STAU1: variants seen among roughly 807,000 people sequenced by gnomAD.
STAU1 encodes staufen double-stranded RNA binding protein 1, also known as double-stranded RNA-binding protein Staufen homolog 1.
In STAU1, 13 loss-of-function variants were observed where a neutral mutation model predicts 62.9. That is an observed-to-expected ratio of 0.21 (90% CI 0.13 to 0.33). STAU1 has a LOEUF of 0.33. Among genes scored for constraint, STAU1 ranks in the 10% least tolerant of loss-of-function variants. STAU1 has a pLI of 1.00. For missense variants in STAU1, 571 were observed against 712.1 expected, an observed-to-expected ratio of 0.80 and a Z score of 2.25; for synonymous variants, 269 against 265.1, an observed-to-expected ratio of 1.01 and a Z score of -0.14.
chr20:49,135,147 T>C, intron 6 of STAU1: 2 of 762,328 alleles, frequency 2.6e-6, no homozygotes, highest in Non-Finnish European at 4.6e-6. Context: ...TGAAAAACTC[T>C]TGATCAAGAA....
At chr20:49,174,798 G>A (rs142545613) in intron 1 of STAU1, among the ~76,000 whole-genome samples, 7 of 152,188 alleles carry the variant, frequency 4.6e-5, no homozygotes, top group East Asian at 1.9e-4. Context: ...TTAGCCAGGC[G>A]TGATGGCGGG....
chr20:49,196,660 C>G, the STAU1 span, among the ~76,000 whole-genome samples: 1 of 150,798 alleles, frequency 6.6e-6, no homozygotes, highest in East Asian at 2.0e-4. Context: ...CAGCTCCTCT[C>G]GAGGGGAGAA....
At chr20:49,135,806 A>G in intron 6 of STAU1, 27 bp downstream of exon 6, 1 of 1,562,338 alleles carries the variant, frequency 6.4e-7, no homozygotes, top group Non-Finnish European at 8.8e-7. Flanking sequence ...TTTAGAATAC[A>G]AAGTCCTACA....
chr20:49,149,782 G>GT (rs1252395908), intron 5 of STAU1, among the ~76,000 whole-genome samples: 6 of 152,244 alleles, frequency 3.9e-5, no homozygotes, highest in African/African-American at 9.6e-5. Flanking sequence ...GAAATGCAGC[G>GT]TAACAAAAGA....
At chr20:49,157,508 T>C (rs1408667357) in intron 3 of STAU1, among the ~76,000 whole-genome samples, 4 of 151,750 alleles carry the variant, frequency 2.6e-5, no homozygotes, top group African/African-American at 7.2e-5. Flanking sequence ...TTTGAGACAG[T>C]CTTGCTCTGT....
At chr20:49,130,637 G>A (rs2092729840) in intron 6 of STAU1, among the ~76,000 whole-genome samples, 1 of 152,180 alleles carries the variant, frequency 6.6e-6, no homozygotes, top group Admixed American at 6.5e-5. Flanking sequence ...TACTATAAGA[G>A]GGGAGGAAGG....
At position 49,123,108 on chromosome 20, in the gene STAU1, CT is replaced by C; in HGVS notation, c.949del (p.Arg317GlyfsTer4). On this transcript the variant is annotated frameshift_variant, in exon 8 of 14. Coordinates refer to ENST00000371856, the MANE Select transcript of STAU1 (RefSeq NM_017453.4). LOFTEE classifies it high-confidence loss of function. ...LLTERGLPRRREFVMQVKVGN... is the reference protein window; with the variant it reads ...LLTERGLPRRXEFVMQVKVGN... ...CGGACCCACCTGCATCACAAACTCC[CT>C]GCGGCGCGGGAGGCCTCGCTCTGTG... is the stretch of plus-strand genomic sequence containing the variant. The C allele has an allele frequency of 6.2e-7, 1 of 1,606,826 alleles. No individual in the cohort carries two copies.
At chr20:49,118,853 C>G (rs961126832) in intron 9 of STAU1, among the ~76,000 whole-genome samples, 1 of 152,176 alleles carries the variant, frequency 6.6e-6, no homozygotes, top group East Asian at 1.9e-4. Flanking sequence ...AACACCCTTA[C>G]GGGGAAAATG....
intron 12 of STAU1, among the ~76,000 whole-genome samples, chr20:49,116,636 C>T (rs2145812057): frequency 6.6e-6 from 1 of 152,294 alleles, no homozygotes; most frequent in South Asian, 2.1e-4. Flanking sequence ...ACACCCCACC[C>T]AGAGACATTA....
At chr20:49,173,388 C>A (rs539456529) in intron 2 of STAU1, among the ~76,000 whole-genome samples, 40 of 152,228 alleles carry the variant, frequency 2.6e-4, no homozygotes, top group African/African-American at 9.6e-4. Context: ...ACCCAGGAGG[C>A]CGAGGTGAGC....
intron 1 of STAU1, among the ~76,000 whole-genome samples, chr20:49,187,141 G>C (rs1351195441): frequency 6.6e-6 from 1 of 152,172 alleles, no homozygotes; most frequent in African/African-American, 2.4e-5. Flanking sequence ...CTCTAGATAG[G>C]TTTGCTCAAC....
chr20:49,125,830 G>A (rs2145908677), intron 6 of STAU1, among the ~76,000 whole-genome samples: 1 of 152,032 alleles, frequency 6.6e-6, no homozygotes, highest in Non-Finnish European at 1.5e-5. Flanking sequence ...GTGACAGAGT[G>A]GGACTCCGTC....
chr20:49,196,444 C>CAAAAAAAAAAAAA, the STAU1 span, among the ~76,000 whole-genome samples: 3 of 91,520 alleles, frequency 3.3e-5, no homozygotes, highest in Admixed American at 1.1e-4. Context: ...CAAAACAAAA[C>CAAAAAAAAAAAAA]AAAAAAAAAA....
At chr20:49,217,911 T>A in the STAU1 span, among the ~76,000 whole-genome samples, 2 of 151,884 alleles carry the variant, frequency 1.3e-5, no homozygotes, top group Non-Finnish European at 2.9e-5. Flanking sequence ...TTCCCTCTTG[T>A]TGCCCAGGCT....
chr20:49,191,151 C>A (rs2093830735), upstream of STAU1, among the ~76,000 whole-genome samples: 1 of 152,020 alleles, frequency 6.6e-6, no homozygotes, highest in Non-Finnish European at 1.5e-5. Context: ...CCTCAGCCTC[C>A]CGAGTAGCTG....
chr20:49,202,230 A>AAAAGAAAGAAAGAAAGGAAG, the STAU1 span, among the ~76,000 whole-genome samples: 1 of 130,366 alleles, frequency 7.7e-6, no homozygotes, highest in Non-Finnish European at 1.6e-5. Flanking sequence ...AAAAAAAAAA[A>AAAAGAAAGAAAGAAAGGAAG]AAAGAAAGAA....
At chr20:49,155,540 C>T (rs2093343799) in intron 3 of STAU1, among the ~76,000 whole-genome samples, 2 of 152,024 alleles carry the variant, frequency 1.3e-5, no homozygotes, top group African/African-American at 4.8e-5. Flanking sequence ...AATCTAAATG[C>T]ACATAAAAAT....
chr20:49,179,398 T>A (rs1175239724), intron 1 of STAU1, among the ~76,000 whole-genome samples: 1 of 152,222 alleles, frequency 6.6e-6, no homozygotes, highest in African/African-American at 2.4e-5. Context: ...AGTCACTTGC[T>A]AAACATTACA....
rs374826754 is a variant in STAU1, at chr20:49,169,822, C to G, written c.-84-3537G>C. Among the ~76,000 whole-genome samples the G allele has an allele frequency of 3.9e-5, 6 of 152,316 alleles. No homozygotes were observed. In the South Asian group the frequency reaches 1.2e-3, roughly 32 times the overall value. On this transcript the variant is annotated intron_variant, in intron 2 of 13. Coordinates refer to ENST00000371856, the MANE Select transcript of STAU1 (RefSeq NM_017453.4). ...CACCAGATCAACAAAACATACTCAT[C>G]TTAGGCTCAAGCCCTAATTTTACAT... is the stretch of plus-strand genomic sequence containing the variant.
Sources: allele counts gnomAD v4.1 joint callset (sites outside exome capture counted in the v4.1 genomes callset), GRCh38; gene constraint gnomAD v4.1.1; transcripts MANE v1.5; gene names NCBI Gene and HGNC (gene_info 2026-07-23, HGNC 2026-07-21).